CACNA2D1: variants seen among roughly 807,000 people sequenced by gnomAD.
CACNA2D1 encodes the protein calcium voltage-gated channel auxiliary subunit alpha2delta 1, also known as voltage-dependent calcium channel subunit alpha-2/delta-1.
Under a neutral mutation model 171.5 loss-of-function variants are expected in CACNA2D1, and 53 were observed. The observed-to-expected ratio is 0.31, with a 90% CI of 0.25 to 0.39. The LOEUF is 0.39. Among genes scored for constraint, CACNA2D1 ranks in the 10% least tolerant of loss-of-function variants. CACNA2D1 has a pLI of 1.00. For missense variants in CACNA2D1, 903 were observed against 1,299.8 expected (o/e 0.69, Z 4.69); for synonymous variants, 442 against 443.1 (o/e 1.00, Z 0.03).
intron 1 of CACNA2D1, among the ~76,000 whole-genome samples, chr7:82,438,355 A>G (rs1057199460): frequency 1.3e-5 from 2 of 152,190 alleles, no homozygotes; most frequent in Non-Finnish European, 1.5e-5. Flanking sequence ...TATACATAAA[A>G]TACTATCTAT....
At chr7:82,063,571 T>TC (rs1409009019) in intron 9 of CACNA2D1, among the ~76,000 whole-genome samples, 11 of 151,788 alleles carry the variant, frequency 7.2e-5, no homozygotes, top group African/African-American at 2.4e-4. Flanking sequence ...TTTTTTTTTT[T>TC]TCCTCAGGGA....
intron 3 of CACNA2D1, among the ~76,000 whole-genome samples, chr7:82,233,775 T>C (rs1803230712): frequency 6.6e-6 from 1 of 152,146 alleles, no homozygotes; most frequent in Non-Finnish European, 1.5e-5. Flanking sequence ...ACAGGATTTA[T>C]TCCTGCTTAG....
intron 11 of CACNA2D1, 171 bp from the exon 12 acceptor site, chr7:82,033,072 C>CA (rs1467182478): frequency 3.7e-6 from 2 of 536,592 alleles, no homozygotes; most frequent in Non-Finnish European, 6.7e-6. Flanking sequence ...CCCCCTTCAC[C>CA]AGGCCTTCCC....
intron 7 of CACNA2D1, among the ~76,000 whole-genome samples, chr7:82,076,616 T>C (rs914010096): frequency 6.6e-6 from 1 of 152,114 alleles, no homozygotes; most frequent in African/African-American, 2.4e-5. Flanking sequence ...CATCTGACCA[T>C]TAAAATAGCA....
intron 3 of CACNA2D1, among the ~76,000 whole-genome samples, chr7:82,245,704 G>A: frequency 9.6e-6 from 1 of 104,494 alleles, no homozygotes; most frequent in East Asian, 2.3e-4. Flanking sequence ...TAGAAAACTG[G>A]TTAGTTTTGT....
chr7:82,219,207 T>G (rs1801490548), intron 3 of CACNA2D1, among the ~76,000 whole-genome samples: 1 of 152,112 alleles, frequency 6.6e-6, no homozygotes, highest in Non-Finnish European at 1.5e-5. Context: ...TCTGAATTCA[T>G]GCAGAAAAAA....
intron 3 of CACNA2D1, among the ~76,000 whole-genome samples, chr7:82,194,204 G>C (rs185869894): frequency 6.6e-6 from 1 of 151,924 alleles, no homozygotes; most frequent in African/African-American, 2.4e-5. Flanking sequence ...CTGCTCCGTA[G>C]GGCTGGGTTA....
At chr7:82,301,427 G>T (rs1812991675) in intron 3 of CACNA2D1, among the ~76,000 whole-genome samples, 1 of 151,878 alleles carries the variant, frequency 6.6e-6, no homozygotes, top group Non-Finnish European at 1.5e-5. Flanking sequence ...GCCCAGCCAG[G>T]TTTGCTATCT....
intron 6 of CACNA2D1, among the ~76,000 whole-genome samples, chr7:82,111,671 A>G (rs2129049001): frequency 6.6e-6 from 1 of 151,056 alleles, no homozygotes. Context: ...CCAGTCCCTA[A>G]CTCCTGGGCT....
chr7:81,955,723 A>AGT (rs1168452957), intron 38 of CACNA2D1, among the ~76,000 whole-genome samples: 1 of 151,922 alleles, frequency 6.6e-6, no homozygotes, highest in African/African-American at 2.4e-5. Flanking sequence ...TAATCAAAGA[A>AGT]GTAAAGCAAG....
At chr7:82,407,986 T>C (rs916330955) in intron 1 of CACNA2D1, among the ~76,000 whole-genome samples, 2 of 151,914 alleles carry the variant, frequency 1.3e-5, no homozygotes, top group African/African-American at 4.8e-5. Flanking sequence ...ATATATTCTT[T>C]GCATTAAAAG....
chr7:82,067,344 C>T (rs1807767582), intron 7 of CACNA2D1, among the ~76,000 whole-genome samples: 1 of 152,118 alleles, frequency 6.6e-6, no homozygotes. Flanking sequence ...ACATATGACT[C>T]CTGGGCAAAT....
chr7:82,119,423 G>A (rs572105804), intron 5 of CACNA2D1, among the ~76,000 whole-genome samples: 1 of 152,286 alleles, frequency 6.6e-6, no homozygotes, highest in South Asian at 2.1e-4. Context: ...AATGTTGGAT[G>A]AGGAGGTCAT....
At chr7:82,395,606 T>C (rs3801671) in intron 1 of CACNA2D1, among the ~76,000 whole-genome samples, 7,387 of 152,244 alleles carry the variant, frequency 0.049, 193 homozygotes, top group Middle Eastern at 0.078. Context: ...GGAACTGAAT[T>C]GAATATTATG....
At chr7:82,298,724 C>T (rs1212174010) in intron 3 of CACNA2D1, among the ~76,000 whole-genome samples, 1 of 151,856 alleles carries the variant, frequency 6.6e-6, no homozygotes, top group Admixed American at 6.6e-5. Context: ...ACACCCAGCT[C>T]CAAATGTCTA....
chr7:82,040,625 G>GA (rs1803841094), intron 10 of CACNA2D1, among the ~76,000 whole-genome samples: 1 of 152,026 alleles, frequency 6.6e-6, no homozygotes, highest in African/African-American at 2.4e-5. Context: ...TTGGATGAGA[G>GA]AAAAATGTGT....
At chr7:82,098,993 C>A (rs2129031783) in intron 6 of CACNA2D1, among the ~76,000 whole-genome samples, 1 of 152,164 alleles carries the variant, frequency 6.6e-6, no homozygotes, top group East Asian at 1.9e-4. Context: ...AATTTTAAAC[C>A]AGTAGTTACT....
At position 82,007,688 on chromosome 7, in the gene CACNA2D1, T is replaced by C; in HGVS notation, c.1431A>G (p.Thr477=). Residue 477 remains threonine, a synonymous_variant, in exon 16 of 39, where the codon ACA becomes ACG. Transcript: ENST00000356860. ...FNITGQFENK[T]NLKNQLILGV... is the part of the protein sequence containing the mutation. Reference sequence around the variant, plus strand: ...TCAATTAACTTTTAACCTTTAAGTTTGTCTTATTTTCAAATTGGCCGGTTA... The same window carrying C: ...TCAATTAACTTTTAACCTTTAAGTTCGTCTTATTTTCAAATTGGCCGGTTA... 2 of 1,546,400 alleles carry C rather than the reference T, an allele frequency of 1.3e-6. No individual in the cohort carries two copies. The highest frequency in any genetic ancestry group is 2.2e-5 in the South Asian group (2 of 89,510).
intron 5 of CACNA2D1, among the ~76,000 whole-genome samples, chr7:82,130,165 A>G (rs918680651): frequency 4.6e-5 from 7 of 152,176 alleles, no homozygotes; most frequent in African/African-American, 1.7e-4. Context: ...AGTGATTACA[A>G]TGTGTACTCG....
Sources: allele counts gnomAD v4.1 joint callset (sites outside exome capture counted in the v4.1 genomes callset), GRCh38; gene constraint gnomAD v4.1.1; transcripts MANE v1.5; gene names NCBI Gene and HGNC (gene_info 2026-07-23, HGNC 2026-07-21).